Variants in NELL2 observed in about 807,000 individuals in gnomAD.
The protein encoded by NELL2 is neural EGFL like 2, also known as protein kinase C-binding protein NELL2.
NELL2 carries 41 observed loss-of-function variants against 109.6 expected under a neutral mutation model. That is an observed-to-expected ratio of 0.37 (90% CI 0.29 to 0.49). The LOEUF (loss-of-function observed/expected upper bound fraction) is 0.49, where lower values mean the gene tolerates loss of function less well. Ranked by LOEUF, NELL2 falls within the 20% of genes least tolerant of loss-of-function variation. The pLI, the probability that NELL2 is intolerant of heterozygous loss-of-function variation, is 0.98. For missense variants in NELL2, 900 were observed against 1,008.3 expected (o/e 0.89, Z 1.45); for synonymous variants, 355 against 344.7 (o/e 1.03, Z -0.33).
At chr12:44,602,143 T>C (rs2136239888) in intron 15 of NELL2, among the ~76,000 whole-genome samples, 1 of 152,336 alleles carries the variant, frequency 6.6e-6, no homozygotes, top group South Asian at 2.1e-4. Flanking sequence ...ATCATTGGTA[T>C]CTACACCCCT....
chr12:44,816,031 T>G lies in NELL2; in HGVS notation c.290A>C (p.His97Pro). ...FTILVTLKQT[H>P]LNSGVILSIH... ...TGAGAGAATAACTCCTGAATTTAAG[T>G]GGGTCTGTTTTAGGGTCACCAAAAT... is the stretch of plus-strand genomic sequence containing the variant. Residue 97 changes from histidine (H) to proline (P), a missense_variant, in exon 3 of 20, where the codon CAC (histidine) becomes CCC (proline). His to Pro is a moderately conservative substitution (Grantham distance 77, BLOSUM62 -2). Transcript: ENST00000429094. The G allele has an allele frequency of 6.2e-7, 1 of 1,612,872 alleles. No homozygotes were observed. The highest frequency in any genetic ancestry group is 8.5e-7 in the Non-Finnish European group (1 of 1,179,744).
chr12:44,820,224 T>G (rs1039117692), intron 2 of NELL2, among the ~76,000 whole-genome samples: 2 of 152,162 alleles, frequency 1.3e-5, no homozygotes, highest in South Asian at 4.1e-4. Flanking sequence ...GAATTCATTA[T>G]GTCCAAGTCC....
chr12:44,827,971 T>G (rs1469151036), intron 2 of NELL2, among the ~76,000 whole-genome samples: 1 of 152,176 alleles, frequency 6.6e-6, no homozygotes, highest in African/African-American at 2.4e-5. Flanking sequence ...CTTTCTAGCA[T>G]TTGTTATTGC....
At chr12:44,771,031 G>C (rs1941526685) in intron 9 of NELL2, among the ~76,000 whole-genome samples, 1 of 151,742 alleles carries the variant, frequency 6.6e-6, no homozygotes, top group African/African-American at 2.4e-5. Context: ...TTTAAACCTG[G>C]GTTGAGATTT....
chr12:44,696,457 T>C (rs1202288254), intron 12 of NELL2, among the ~76,000 whole-genome samples: 1 of 152,186 alleles, frequency 6.6e-6, no homozygotes, highest in East Asian at 1.9e-4. Context: ...TAAAAGCAAT[T>C]GTGAAGATGG....
chr12:44,840,829 T>A (rs1472772181), intron 2 of NELL2, among the ~76,000 whole-genome samples: 1 of 152,186 alleles, frequency 6.6e-6, no homozygotes, highest in Non-Finnish European at 1.5e-5. Context: ...TTTTCTTTCT[T>A]TTTTTCCTAA....
At chr12:44,636,727 T>C (rs980690404) in intron 13 of NELL2, among the ~76,000 whole-genome samples, 7 of 152,194 alleles carry the variant, frequency 4.6e-5, no homozygotes, top group African/African-American at 1.7e-4. Context: ...TCATCAGGGA[T>C]ATTGGTCTGA....
chr12:44,665,564 G>A lies in NELL2; in HGVS notation c.1364C>T (p.Thr455Ile). The part of the protein sequence containing the change: ...AEGRHYCREN[T>I]MCVNTPGSFM... The stretch of plus-strand genomic sequence containing the variant: ...AGAACCCGGGGTGTTGACACACATT[G>A]TATTTTCACGACAGTAATGGCGCCC... The change falls in exon 13 of 20, where the codon ACA becomes ATA. Residue 455 changes from threonine to isoleucine, a missense_variant. Thr to Ile is a moderately conservative substitution (Grantham distance 89, BLOSUM62 -1). Transcript: ENST00000429094. 1.2e-6 allele frequency: 2 copies of A among 1,613,542 alleles called. No homozygotes were observed. The highest frequency in any genetic ancestry group is 1.7e-6 in the Non-Finnish European group (2 of 1,179,526).
At position 44,531,662 on chromosome 12, in the gene NELL2, G is replaced by A. The variant is rs562088979; in HGVS notation, c.1804+919C>T. Among the ~76,000 whole-genome samples the A allele has an allele frequency of 2.0e-5, 3 of 152,226 alleles. No homozygotes were observed. The South Asian group carries it at 6.2e-4, about 32-fold the overall frequency. On this transcript the variant is annotated intron_variant, in intron 16 of 19. Transcript: ENST00000429094. Reference sequence around the variant, plus strand: ...TGTCTCTTTGTGAAAATCCTTTGAGGCACAAGGATAAAAAACATCTTATCA... The same window carrying A: ...TGTCTCTTTGTGAAAATCCTTTGAGACACAAGGATAAAAAACATCTTATCA...
At chr12:44,545,435 A>T (rs1733490541) in intron 15 of NELL2, among the ~76,000 whole-genome samples, 1 of 152,108 alleles carries the variant, frequency 6.6e-6, no homozygotes, top group South Asian at 2.1e-4. Flanking sequence ...ATCGTGTAAA[A>T]ATGTGCTAGA....
chr12:44,567,461 C>T (rs1943705202), intron 15 of NELL2, among the ~76,000 whole-genome samples: 1 of 152,028 alleles, frequency 6.6e-6, no homozygotes, highest in African/African-American at 2.4e-5. Context: ...GTTGAATGAC[C>T]TCAGTGCTAC....
chr12:44,892,097 G>A (rs1945540994), intron 1 of NELL2, among the ~76,000 whole-genome samples: 1 of 152,192 alleles, frequency 6.6e-6, no homozygotes, highest in Non-Finnish European at 1.5e-5. Flanking sequence ...CTGTCACCCA[G>A]CTGAGAGAAT....
chr12:44,891,434 G>A (rs899379631), intron 1 of NELL2, among the ~76,000 whole-genome samples: 1 of 152,162 alleles, frequency 6.6e-6, no homozygotes, highest in African/African-American at 2.4e-5. Context: ...TCCCCATAAA[G>A]GGTCCTCTGC....
intron 1 of NELL2, 32 bp downstream of exon 1, chr12:44,875,783 C>A (rs758880093): frequency 1.2e-6 from 2 of 1,612,864 alleles, no homozygotes; most frequent in Non-Finnish European, 1.7e-6. Context: ...GGAGCCATCC[C>A]TTTCCCCAGC....
intron 3 of NELL2, among the ~76,000 whole-genome samples, chr12:44,784,323 AG>A: frequency 6.6e-6 from 1 of 152,058 alleles, no homozygotes; most frequent in Admixed American, 6.6e-5. Flanking sequence ...CAATAAGAAG[AG>A]AAAAGAAAAG....
intron 2 of NELL2, among the ~76,000 whole-genome samples, chr12:44,866,453 C>T (rs1321999187): frequency 6.6e-6 from 1 of 151,892 alleles, no homozygotes; most frequent in Non-Finnish European, 1.5e-5. Flanking sequence ...ACACAACATA[C>T]CAAAACATAA....
chr12:44,836,972 C>T lies in NELL2; in HGVS notation c.185-20836G>A, dbSNP rs185882202. Among the ~76,000 whole-genome samples the T allele has an allele frequency of 1.3e-3, 195 of 152,252 alleles. 1 individual carries two copies. The highest frequency in any genetic ancestry group is 4.5e-3 in the African/African-American group (188 of 41,540). On this transcript the variant is annotated intron_variant, in intron 2 of 19. Coordinates refer to ENST00000429094, the MANE Select transcript of NELL2 (RefSeq NM_001145108.2). ...TGTCCCTAGGAAGCAGACGTCACCTCACAGCGACCACTACCGTCATAAACA... is the reference window on the plus strand; with the variant it reads ...TGTCCCTAGGAAGCAGACGTCACCTTACAGCGACCACTACCGTCATAAACA...
intron 12 of NELL2, among the ~76,000 whole-genome samples, chr12:44,688,387 C>T (rs908058700): frequency 6.6e-6 from 1 of 152,146 alleles, no homozygotes; most frequent in African/African-American, 2.4e-5. Context: ...AACTGATACA[C>T]TGACAATAAT....
chr12:44,804,612 T>C (rs1942939601), intron 3 of NELL2, among the ~76,000 whole-genome samples: 1 of 151,900 alleles, frequency 6.6e-6, no homozygotes, highest in Non-Finnish European at 1.5e-5. Flanking sequence ...ATGAGCCCTT[T>C]GTAAAATTAT....
Sources: gnomAD v4.1 joint callset for allele counts (sites outside exome capture counted in the v4.1 genomes callset) on GRCh38, gnomAD v4.1.1 for gene constraint, MANE v1.5 for transcripts, NCBI Gene and HGNC (gene_info 2026-07-23, HGNC 2026-07-21) for gene names.